The following ASPH variants were observed in gnomAD, a reference collection of about 807,000 sequenced individuals.
The protein encoded by ASPH is aspartate beta-hydroxylase.
Under a neutral mutation model 118.4 loss-of-function variants are expected in ASPH, and 100 were observed. The observed-to-expected ratio is 0.84, with a 90% CI of 0.72 to 1.00. The LOEUF is 1.00. Ranked by LOEUF, ASPH falls within the 50% of genes least tolerant of loss-of-function variation. The probability of loss-of-function intolerance (pLI) is 0.00; values close to 1 mark genes in which losing one functional copy is unlikely to be tolerated. For missense variants in ASPH, 920 were observed against 919.5 expected, an observed-to-expected ratio of 1.00 and a Z score of -0.01; for synonymous variants, 315 against 325.6, an observed-to-expected ratio of 0.97 and a Z score of 0.35.
At chr8:61,643,689 T>G (rs1212470078) in intron 8 of ASPH, among the ~76,000 whole-genome samples, 1 of 152,258 alleles carries the variant, frequency 6.6e-6, no homozygotes, top group East Asian at 1.9e-4. Flanking sequence ...TTTTCAAATA[T>G]TCTTTCCAGC....
intron 17 of ASPH, among the ~76,000 whole-genome samples, chr8:61,564,961 C>T (rs1209351671): frequency 6.6e-6 from 1 of 152,208 alleles, no homozygotes; most frequent in Non-Finnish European, 1.5e-5. Flanking sequence ...AGCTTAGCTC[C>T]TTCCCTCCAT....
intron 20 of ASPH, among the ~76,000 whole-genome samples, chr8:61,548,521 T>G (rs994064211): frequency 3.3e-5 from 5 of 152,360 alleles, no homozygotes; most frequent in Middle Eastern, 6.8e-3. Flanking sequence ...GAGCACTTAT[T>G]TTTTGAATGA....
chr8:61,621,035 G>A (rs1564039361), intron 13 of ASPH, among the ~76,000 whole-genome samples: 1 of 152,214 alleles, frequency 6.6e-6, no homozygotes, highest in African/African-American at 2.4e-5. Flanking sequence ...AACGTGGAGG[G>A]TGAGTGTGGT....
chr8:61,543,647 A>C (rs551986346), intron 21 of ASPH, among the ~76,000 whole-genome samples: 1 of 152,332 alleles, frequency 6.6e-6, no homozygotes, highest in South Asian at 2.1e-4. Flanking sequence ...TATTGACTGC[A>C]TGCTTTTCTG....
intron 18 of ASPH, among the ~76,000 whole-genome samples, chr8:61,561,978 T>C (rs538152964): frequency 1.1e-4 from 16 of 152,268 alleles, no homozygotes; most frequent in African/African-American, 3.1e-4. Context: ...ATACTATCAC[T>C]GAGTGGTAGC....
chr8:61,512,115 T>C (rs1457922576), intron 24 of ASPH, among the ~76,000 whole-genome samples: 1 of 152,158 alleles, frequency 6.6e-6, no homozygotes, highest in East Asian at 1.9e-4. Context: ...TGATCATGTC[T>C]AGAACACAAA....
At chr8:61,638,113 T>TTAGCAATCTGAGTG in intron 11 of ASPH, 110 bp from the exon 12 acceptor site, 1 of 1,248,756 alleles carries the variant, frequency 8.0e-7, no homozygotes, top group Non-Finnish European at 1.1e-6. Flanking sequence ...CCACTCAGAT[T>TTAGCAATCTGAGTG]GCTAAATTTG....
intron 8 of ASPH, among the ~76,000 whole-genome samples, 166 bp downstream of exon 8, chr8:61,643,779 T>G (rs1424364205): frequency 6.6e-6 from 1 of 152,252 alleles, no homozygotes; most frequent in Admixed American, 6.5e-5. Flanking sequence ...TATGTAGTAT[T>G]AAACTATATT....
At chr8:61,606,664 A>C (rs748230904) in intron 14 of ASPH, 2 of 152,224 alleles carry the variant, frequency 1.3e-5, no homozygotes, top group African/African-American at 4.8e-5. Context: ...AAAGAGGAGA[A>C]GGTATCATCA....
rs557651579 is a variant in ASPH, at chr8:61,559,898, C to A, written c.1437+2846G>T. ...AATGAGAACCACAGAAGATTTAAAG[C>A]CGAGGGAGATGATCAGGGTTGTGTT... On this transcript the variant is annotated intron_variant, in intron 18 of 24. Transcript: ENST00000379454. Among the ~76,000 whole-genome samples, 3 of 150,508 alleles carry A rather than the reference C, an allele frequency of 2.0e-5. No homozygotes were observed. The South Asian group carries it at 6.4e-4, about 32-fold the overall frequency.
chr8:61,564,973 T>C (rs1297796823), intron 17 of ASPH, among the ~76,000 whole-genome samples: 2 of 152,338 alleles, frequency 1.3e-5, no homozygotes, highest in Admixed American at 1.3e-4. Flanking sequence ...TCCCTCCATG[T>C]TGACTGATGA....
At chr8:61,581,766 T>C (rs1837620224) in intron 15 of ASPH, among the ~76,000 whole-genome samples, 1 of 152,218 alleles carries the variant, frequency 6.6e-6, no homozygotes, top group Non-Finnish European at 1.5e-5. Flanking sequence ...TTTTCAAAAA[T>C]CACTTACAAT....
Position 61,646,857 on chromosome 8 carries a change from T to C in ASPH, c.512A>G (p.Gln171Arg). The change falls in exon 6 of 25, where the codon CAA (glutamine) becomes CGA (arginine). Residue 171 changes from glutamine (Q) to arginine (R), a missense_variant. Coordinates refer to ENST00000379454, the MANE Select transcript of ASPH (RefSeq NM_004318.4). ...TGGTTCTCCTGTGGGTCCATCTTCT[T>C]GTTGCAAGTCTTCTCCCTCAACTAT... ...AEHVEGEDLQ[Q>R]EDGPTGEPQQ... The C allele has an allele frequency of 1.2e-6, 2 of 1,613,966 alleles. No individual in the cohort carries two copies. Among genetic ancestry groups the C allele is most frequent in the Middle Eastern group, 1.7e-4 (1 of 6,058 alleles).
In ASPH at chr8:61,714,349, T is replaced by G; in HGVS notation, c.23A>C (p.Lys8Thr). 1.3e-6 allele frequency: 2 copies of G among 1,518,230 alleles called. No homozygotes were observed. The highest frequency in any genetic ancestry group is 4.2e-5 in the Admixed American group (2 of 47,450). 94.0% of individuals were successfully genotyped at this position (1,518,230 alleles called of 1,614,324 possible). A position where few individuals can be genotyped will look rare whatever the true frequency, so the allele number is the denominator to read the frequency against. Residue 8 changes from lysine (K) to threonine (T), a missense_variant, in exon 1 of 25, where the codon AAG (lysine) becomes ACG (threonine). By Grantham distance (78) the Lys-to-Thr change is moderately conservative. Transcript: ENST00000379454. The stretch of plus-strand genomic sequence containing the variant: ...GCTGCTGCTGCTGTTGCCGCTGCTC[T>G]TGGCATTCTTACGCTGGGCCATTGC... MAQRKNA[K>T]SSGNSSSSGS... is the part of the protein sequence containing the mutation.
chr8:61,597,052 T>G (rs1842685441), intron 14 of ASPH, among the ~76,000 whole-genome samples: 1 of 151,974 alleles, frequency 6.6e-6, no homozygotes, highest in Non-Finnish European at 1.5e-5. Context: ...AGATACCATT[T>G]AAAAGAACTC....
chr8:61,693,990 C>T (rs981406173), intron 1 of ASPH, among the ~76,000 whole-genome samples: 2 of 152,204 alleles, frequency 1.3e-5, no homozygotes, highest in African/African-American at 2.4e-5. Context: ...CACAGCAGAG[C>T]CAGCCTCAGC....
chr8:61,600,976 C>T (rs1270138822), intron 14 of ASPH, among the ~76,000 whole-genome samples: 1 of 151,118 alleles, frequency 6.6e-6, no homozygotes, highest in East Asian at 1.9e-4. Context: ...GATTTCAGAC[C>T]AAAGAATATT....
intron 13 of ASPH, among the ~76,000 whole-genome samples, chr8:61,619,437 A>G (rs1850138255): frequency 6.6e-6 from 1 of 152,210 alleles, no homozygotes; most frequent in Admixed American, 6.5e-5. Flanking sequence ...CATGTGCTTT[A>G]AAGGAATGCA....
At chr8:61,683,831 C>G in intron 2 of ASPH, 1 of 488,894 alleles carries the variant, frequency 2.0e-6, no homozygotes, top group Non-Finnish European at 3.5e-6. Flanking sequence ...AGCCTTTTTT[C>G]AAAAACCTAC....
Sources: allele counts gnomAD v4.1 joint callset (sites outside exome capture counted in the v4.1 genomes callset), GRCh38; gene constraint gnomAD v4.1.1; transcripts MANE v1.5; gene names NCBI Gene and HGNC (gene_info 2026-07-23, HGNC 2026-07-21).